The following TAFA1 variants were observed in gnomAD, a reference collection of about 807,000 sequenced individuals.
The protein encoded by TAFA1 is chemokine-like protein TAFA-1.
A neutral mutation model predicts 18.5 loss-of-function variants in TAFA1; 4 were observed. That is an observed-to-expected ratio of 0.22 (90% CI 0.11 to 0.49). The LOEUF (loss-of-function observed/expected upper bound fraction) is 0.49. Ranked by LOEUF, TAFA1 falls within the 20% of genes least tolerant of loss-of-function variation. The probability of loss-of-function intolerance (pLI) is 0.98; values close to 1 mark genes in which losing one functional copy is unlikely to be tolerated. For missense variants in TAFA1, 147 were observed against 169.0 expected, an observed-to-expected ratio of 0.87 and a Z score of 0.72; for synonymous variants, 56 against 55.2, an observed-to-expected ratio of 1.01 and a Z score of -0.06.
intron 2 of TAFA1, among the ~76,000 whole-genome samples, chr3:68,172,999 A>G (rs1392983217): frequency 6.6e-6 from 1 of 152,138 alleles, no homozygotes; most frequent in Non-Finnish European, 1.5e-5. Flanking sequence ...CTCTTTTGCA[A>G]CATGAGGGTA....
intron 2 of TAFA1, among the ~76,000 whole-genome samples, chr3:68,131,712 C>A (rs572194012): frequency 6.6e-6 from 1 of 152,328 alleles, no homozygotes; most frequent in African/African-American, 2.4e-5. Flanking sequence ...TCATGCCTTA[C>A]AATCACTGTA....
intron 2 of TAFA1, among the ~76,000 whole-genome samples, chr3:68,159,886 C>T (rs1414621211): frequency 1.3e-5 from 2 of 152,204 alleles, no homozygotes; most frequent in East Asian, 1.9e-4. Context: ...CATCCTCTTT[C>T]TGCTGCAAAA....
At chr3:68,180,809 ATGCCCTTC>A (rs1425900846) in intron 2 of TAFA1, among the ~76,000 whole-genome samples, 1 of 152,140 alleles carries the variant, frequency 6.6e-6, no homozygotes, top group Non-Finnish European at 1.5e-5. Flanking sequence ...CCTAGTTTTC[ATGCCCTTC>A]TGTATCCCCT....
chr3:68,311,387 CA>C (rs1054489354), intron 2 of TAFA1, among the ~76,000 whole-genome samples: 3 of 152,140 alleles, frequency 2.0e-5, no homozygotes, highest in African/African-American at 7.2e-5. Context: ...GTCCATAGTC[CA>C]AAGTCTTATC....
chr3:68,361,120 A>G lies in TAFA1; in HGVS notation c.119-56160A>G, dbSNP rs115251018. Among the ~76,000 whole-genome samples, 906 of 152,166 alleles carry G rather than the reference A, an allele frequency of 6.0e-3. 9 individuals carry two copies. Among genetic ancestry groups the G allele is most frequent in the Middle Eastern group, 0.014 (4 of 294 alleles). ...TTGTATAGGTGGGAAGTCAGAATCA[A>G]TTGGCTGCATCACGAAGTGTTGAGC... On this transcript the variant is annotated intron_variant, in intron 2 of 4. Transcript: ENST00000478136.
At position 68,499,876 on chromosome 3, in the gene TAFA1, T is replaced by C. The variant is rs2072627951; in HGVS notation, c.260-38880T>C. 2.0e-5 allele frequency among the ~76,000 whole-genome samples: 3 copies of C among 151,456 alleles called. No homozygotes were observed. In the South Asian group the frequency reaches 6.3e-4, roughly 32 times the overall value. On this transcript the variant is annotated intron_variant, in intron 3 of 4. Transcript: ENST00000478136. ...TTTTCTTTTCCTTTTTTTTTTTTTT[T>C]TTAAGAAGCAGGAAGGAATTGTAGT...
chr3:68,263,446 T>TACAC (rs3033685), intron 2 of TAFA1, among the ~76,000 whole-genome samples: 25,370 of 137,598 alleles, frequency 0.18, 2,290 homozygotes, highest in East Asian at 0.3. Flanking sequence ...CACACACACA[T>TACAC]ACACACACAC....
intron 2 of TAFA1, among the ~76,000 whole-genome samples, chr3:68,260,741 C>T (rs1480387097): frequency 6.6e-6 from 1 of 152,120 alleles, no homozygotes; most frequent in Non-Finnish European, 1.5e-5. Flanking sequence ...AATTGGATCC[C>T]TTCCTTACAC....
chr3:68,363,348 C>T (rs1000452290), intron 2 of TAFA1, among the ~76,000 whole-genome samples: 1 of 152,176 alleles, frequency 6.6e-6, no homozygotes, highest in Admixed American at 6.6e-5. Context: ...TTGCACCTTT[C>T]TGTCCTCTGT....
chr3:68,371,763 T>C (rs2069711228), intron 2 of TAFA1, among the ~76,000 whole-genome samples: 2 of 152,162 alleles, frequency 1.3e-5, no homozygotes, highest in Admixed American at 1.3e-4. Flanking sequence ...ATGCATAAAA[T>C]TTAAAAATAA....
At chr3:68,284,648 C>A (rs1259485744) in intron 2 of TAFA1, among the ~76,000 whole-genome samples, 1 of 152,076 alleles carries the variant, frequency 6.6e-6, no homozygotes, top group African/African-American at 2.4e-5. Context: ...AAAGAGCAGG[C>A]CAGGCATGGT....
chr3:68,155,741 A>C (rs2065860371), intron 2 of TAFA1, among the ~76,000 whole-genome samples: 2 of 152,218 alleles, frequency 1.3e-5, no homozygotes, highest in Admixed American at 1.3e-4. Context: ...AGTATGATCC[A>C]AACCTAAAGA....
At chr3:68,484,532 A>G (rs1235085706) in intron 3 of TAFA1, among the ~76,000 whole-genome samples, 1 of 152,168 alleles carries the variant, frequency 6.6e-6, no homozygotes, top group Non-Finnish European at 1.5e-5. Context: ...GGAGGTTGGC[A>G]TGAGCAACTA....
At chr3:68,109,398 A>G (rs57155125) in intron 2 of TAFA1, among the ~76,000 whole-genome samples, 53,666 of 151,974 alleles carry the variant, frequency 0.35, 9,889 homozygotes, top group East Asian at 0.49. Context: ...TTTTTAATCA[A>G]TTATGCCATT....
chr3:68,212,265 TG>T (rs2066606721), intron 2 of TAFA1, among the ~76,000 whole-genome samples: 1 of 149,316 alleles, frequency 6.7e-6, no homozygotes, highest in African/African-American at 2.5e-5. Context: ...TGAAGCAAAG[TG>T]GAGAGGAGAG....
At chr3:68,087,376 AT>A (rs1283902814) in intron 2 of TAFA1, among the ~76,000 whole-genome samples, 2 of 152,222 alleles carry the variant, frequency 1.3e-5, no homozygotes, top group African/African-American at 2.4e-5. Flanking sequence ...CATACCAGAA[AT>A]TTAAAAAATA....
chr3:68,149,066 T>C (rs1034255379), intron 2 of TAFA1, among the ~76,000 whole-genome samples: 8 of 152,206 alleles, frequency 5.3e-5, no homozygotes, highest in African/African-American at 1.7e-4. Flanking sequence ...GGAAGTAAGT[T>C]AAGCTGTTTG....
intron 2 of TAFA1, among the ~76,000 whole-genome samples, chr3:68,079,189 T>G (rs2064865122): frequency 6.6e-6 from 1 of 152,246 alleles, no homozygotes; most frequent in African/African-American, 2.4e-5. Context: ...GCCGTCTATT[T>G]GATTCTTCTC....
At chr3:68,544,044 A>G (rs1279697281) in intron 4 of TAFA1, among the ~76,000 whole-genome samples, 4 of 152,122 alleles carry the variant, frequency 2.6e-5, no homozygotes, top group South Asian at 2.1e-4. Flanking sequence ...TCAGATAGAC[A>G]CAGGAGTGAT....
Sources: allele counts gnomAD v4.1 joint callset (sites outside exome capture counted in the v4.1 genomes callset), GRCh38; gene constraint gnomAD v4.1.1; transcripts MANE v1.5; gene names NCBI Gene and HGNC (gene_info 2026-07-23, HGNC 2026-07-21).